UBP1: variants seen among roughly 807,000 people sequenced by gnomAD.
The protein encoded by UBP1 is upstream binding protein 1.
Under a neutral mutation model 76.1 loss-of-function variants are expected in UBP1, and 22 were observed. That is an observed-to-expected ratio of 0.29 (90% CI 0.21 to 0.41). UBP1 has a LOEUF of 0.41. Among genes scored for constraint, UBP1 ranks in the 10% least tolerant of loss-of-function variants. UBP1 has a pLI of 1.00. For missense variants in UBP1, 436 were observed against 668.1 expected, an observed-to-expected ratio of 0.65 and a Z score of 3.83; for synonymous variants, 224 against 237.1, an observed-to-expected ratio of 0.94 and a Z score of 0.51.
chr3:33,394,204 T>C (rs1024972193), intron 13 of UBP1, among the ~76,000 whole-genome samples: 1 of 148,178 alleles, frequency 6.7e-6, no homozygotes, highest in Admixed American at 6.7e-5. Context: ...ATTATTATTA[T>C]TATTATTATT....
chr3:33,413,282 C>A (rs978828027), intron 3 of UBP1, among the ~76,000 whole-genome samples: 22 of 152,044 alleles, frequency 1.4e-4, no homozygotes, highest in Admixed American at 1.2e-3. Context: ...TGCGGTGGCT[C>A]ACACCTGTAA....
chr3:33,440,546 G>A (rs1218016947), upstream of UBP1: 1 of 151,960 alleles, frequency 6.6e-6, no homozygotes, highest in Non-Finnish European at 1.5e-5. Flanking sequence ...CCCCGCCCAC[G>A]CGGCTGTTCC....
intron 1 of UBP1, among the ~76,000 whole-genome samples, chr3:33,430,458 T>A (rs960033151): frequency 1.3e-5 from 2 of 152,190 alleles, no homozygotes; most frequent in Non-Finnish European, 2.9e-5. Context: ...TTATTCCAAG[T>A]AATTCTGAAA....
Position 33,425,522 on chromosome 3 carries a change from C to T in UBP1, c.265+68G>A, listed in dbSNP as rs2154059192. On this transcript the variant is annotated intron_variant, in intron 2 of 15. Coordinates refer to ENST00000283629, the MANE Select transcript of UBP1 (RefSeq NM_014517.5). ...TAATTATTACCAATAATCTAGGCTA[C>T]AATGCCAAAATATTATTTTGTATTT... The T allele has an allele frequency of 2.1e-6, 3 of 1,409,382 alleles. No homozygotes were observed. The South Asian group carries it at 5.1e-5, about 24-fold the overall frequency. The allele number at this position is 1,409,382 out of a possible 1,614,324, so 87.3% of individuals were successfully genotyped here.
chr3:33,422,454 C>T (rs113277411), intron 2 of UBP1, among the ~76,000 whole-genome samples: 12 of 152,078 alleles, frequency 7.9e-5, no homozygotes, highest in Non-Finnish European at 1.0e-4. Context: ...CAGTGGTTCA[C>T]GCCTATAATC....
intron 1 of UBP1, among the ~76,000 whole-genome samples, chr3:33,431,929 T>C (rs903953736): frequency 1.2e-4 from 18 of 152,238 alleles, no homozygotes; most frequent in African/African-American, 4.3e-4. Context: ...AGGAAAGACA[T>C]ACTTGACAGC....
chr3:33,425,939 G>A (rs986564653), intron 1 of UBP1, among the ~76,000 whole-genome samples, 198 bp from the exon 2 acceptor site: 2 of 140,656 alleles, frequency 1.4e-5, no homozygotes, highest in Admixed American at 1.5e-4. Context: ...CTAAAGGATG[G>A]CATTAACAAC....
chr3:33,428,181 C>CAAA (rs59049122), intron 1 of UBP1, among the ~76,000 whole-genome samples: 10,359 of 56,680 alleles, frequency 0.18, 1,368 homozygotes, highest in East Asian at 0.45. Flanking sequence ...GATTCCATCT[C>CAAA]AAAAAAAAAA....
At chr3:33,428,002 G>A (rs2154059441) in intron 1 of UBP1, among the ~76,000 whole-genome samples, 1 of 151,964 alleles carries the variant, frequency 6.6e-6, no homozygotes, top group African/African-American at 2.4e-5. Flanking sequence ...ACATGGCGGG[G>A]GAAACCCCGT....
At chr3:33,427,481 A>T (rs1423420903) in intron 1 of UBP1, among the ~76,000 whole-genome samples, 1 of 152,268 alleles carries the variant, frequency 6.6e-6, no homozygotes, top group Non-Finnish European at 1.5e-5. Flanking sequence ...CTACTGTATC[A>T]ACACCAATAA....
In UBP1 at chr3:33,393,259, A is replaced by G. The variant is rs551246655; in HGVS notation, c.1533+53T>C. The G allele has an allele frequency of 4.8e-5, 73 of 1,508,980 alleles. No individual in the cohort carries two copies. The African/African-American group carries it at 8.6e-4, about 18-fold the overall frequency. 93.5% of individuals were successfully genotyped at this position (1,508,980 alleles called of 1,614,324 possible). ...AATTTTTCTACAGTTCTACAATTAC[A>G]TGTATAAAAGTAAATACCAGTCTGA... On this transcript the variant is annotated intron_variant, in intron 14 of 15. Transcript: ENST00000283629.
intron 2 of UBP1, among the ~76,000 whole-genome samples, chr3:33,418,752 G>A (rs556040543): frequency 6.6e-6 from 1 of 151,262 alleles, no homozygotes; most frequent in Non-Finnish European, 1.5e-5. Context: ...CCAGCTACTT[G>A]GGAAGCTGAG....
chr3:33,425,717 GA>G lies in UBP1; in HGVS notation c.137del (p.Phe46SerfsTer22). 5 of 1,597,230 alleles carry G rather than the reference GA, an allele frequency of 3.1e-6. No individual in the cohort carries two copies. The highest frequency in any genetic ancestry group is 4.3e-6 in the Non-Finnish European group (5 of 1,166,930). On this transcript the variant is annotated frameshift_variant, in exon 2 of 16. Coordinates refer to ENST00000283629, the MANE Select transcript of UBP1 (RefSeq NM_014517.5). LOFTEE classifies it high-confidence loss of function. Reference protein sequence around the residue: ...SMSDVLALPIFKQEDSSLPLD... With the variant: ...SMSDVLALPIXKQEDSSLPLD... The stretch of plus-strand genomic sequence containing the variant: ...ATGGAAGGCTGGAATCTTCCTGCTT[GA>G]AAATGGGCAATGCCAAGACATCACT...
Position 33,412,844 on chromosome 3 carries a change from G to A in UBP1, c.343-17C>T. ...TATGATGCTCTGTGGAATAAGTGCG[G>A]AAAATGAGTACTTTTAAACTGCTCC... is the stretch of plus-strand genomic sequence containing the variant. On this transcript the variant is annotated splice_polypyrimidine_tract_variant and intron_variant, in intron 3 of 15. Transcript: ENST00000283629. 1 of 1,555,594 alleles carries A rather than the reference G, an allele frequency of 6.4e-7. No homozygotes were observed.
intron 3 of UBP1, among the ~76,000 whole-genome samples, chr3:33,415,521 GAT>G (rs2044706787): frequency 6.6e-6 from 1 of 152,096 alleles, no homozygotes; most frequent in Non-Finnish European, 1.5e-5. Context: ...ATATATACCA[GAT>G]ATATTTATTA....
chr3:33,414,371 T>G (rs1013945381), intron 3 of UBP1, among the ~76,000 whole-genome samples: 3 of 152,094 alleles, frequency 2.0e-5, no homozygotes, highest in Non-Finnish European at 2.9e-5. Flanking sequence ...AAAAGGAGAT[T>G]GACTGCATTT....
intron 3 of UBP1, among the ~76,000 whole-genome samples, chr3:33,416,285 C>G (rs1273658451): frequency 6.6e-6 from 1 of 152,122 alleles, no homozygotes; most frequent in Non-Finnish European, 1.5e-5. Flanking sequence ...AGGGATGGTT[C>G]TGAGGATACA....
chr3:33,438,680 C>G (rs371620584), intron 1 of UBP1, among the ~76,000 whole-genome samples: 7 of 152,298 alleles, frequency 4.6e-5, no homozygotes, highest in African/African-American at 1.4e-4. Flanking sequence ...AGAAATGTCT[C>G]CAACCTTTCT....
chr3:33,426,320 C>A (rs560345080), intron 1 of UBP1, among the ~76,000 whole-genome samples: 1 of 151,952 alleles, frequency 6.6e-6, no homozygotes, highest in Non-Finnish European at 1.5e-5. Flanking sequence ...CAGCAGCAGT[C>A]GCAGCAGCTG....
Sources: gnomAD v4.1 joint callset for allele counts (sites outside exome capture counted in the v4.1 genomes callset) on GRCh38, gnomAD v4.1.1 for gene constraint, MANE v1.5 for transcripts, NCBI Gene and HGNC (gene_info 2026-07-23, HGNC 2026-07-21) for gene names.